TAF4B: variants seen among roughly 807,000 people sequenced by gnomAD.
TAF4B encodes TATA-box binding protein associated factor 4b.
Under a neutral mutation model 86.4 loss-of-function variants are expected in TAF4B, and 38 were observed. The ratio of observed to expected loss-of-function variants is 0.44; its 90% CI spans 0.34 to 0.58. The LOEUF is 0.58. TAF4B is among the 20% of genes least tolerant of loss of function. TAF4B has a pLI of 0.02. For synonymous variants in TAF4B, 388 were observed against 391.2 expected (o/e 0.99, Z 0.10); for missense variants, 988 against 1,027.6 (o/e 0.96, Z 0.53).
chr18:26,229,660 G>A (rs2055634026), intron 1 of TAF4B, among the ~76,000 whole-genome samples: 1 of 151,832 alleles, frequency 6.6e-6, no homozygotes, highest in South Asian at 2.1e-4. Flanking sequence ...ACGCCACCAT[G>A]CTCGGCTAAA....
chr18:26,287,033 G>A (rs1342748604), intron 7 of TAF4B, among the ~76,000 whole-genome samples: 1 of 152,076 alleles, frequency 6.6e-6, no homozygotes, highest in Non-Finnish European at 1.5e-5. Context: ...GAGAGTGGTT[G>A]CAAAAATTAT....
chr18:26,236,831 G>T (rs2055755353), intron 1 of TAF4B, among the ~76,000 whole-genome samples: 1 of 152,076 alleles, frequency 6.6e-6, no homozygotes, highest in South Asian at 2.1e-4. Flanking sequence ...TTTGTTCAGG[G>T]CCCAGGGCTC....
intron 9 of TAF4B, among the ~76,000 whole-genome samples, chr18:26,308,323 T>C (rs1468101697): frequency 6.6e-6 from 1 of 152,188 alleles, no homozygotes; most frequent in Non-Finnish European, 1.5e-5. Flanking sequence ...GATTATATTG[T>C]GAAGTCTTTC....
intron 12 of TAF4B, 28 bp from the exon 13 acceptor site, chr18:26,335,146 TC>T: frequency 1.3e-6 from 2 of 1,534,618 alleles, no homozygotes; most frequent in Non-Finnish European, 1.8e-6. Context: ...GCTAGTAATT[TC>T]TATTAAAATT....
rs776128609 is a variant in TAF4B at position 26,357,763 on chromosome 18, GGAA to G, written c.2396_2398del (p.Lys799del). ...ACAGCTCTTGCAGCTATTGGACCAA[GGAA>G]GAAGAGACCACTAGAATCTGGAATT... is the stretch of plus-strand genomic sequence containing the variant. On this transcript the variant is annotated inframe_deletion, in exon 14 of 15. Coordinates refer to ENST00000269142, the MANE Select transcript of TAF4B (RefSeq NM_005640.3). 2 of 1,612,218 alleles carry G rather than the reference GGAA, an allele frequency of 1.2e-6. No homozygotes were observed. The highest frequency in any genetic ancestry group is 2.2e-5 in the South Asian group (2 of 90,716).
intron 11 of TAF4B, among the ~76,000 whole-genome samples, chr18:26,322,919 T>C (rs1169011946): frequency 1.3e-5 from 2 of 152,150 alleles, no homozygotes; most frequent in Non-Finnish European, 2.9e-5. Flanking sequence ...TTCCATAAGT[T>C]TTGGTATGTT....
intron 10 of TAF4B, among the ~76,000 whole-genome samples, chr18:26,317,788 G>A (rs1039753690): frequency 6.6e-6 from 1 of 152,072 alleles, no homozygotes; most frequent in African/African-American, 2.4e-5. Flanking sequence ...CTCTTCTTAG[G>A]GCGAAGGCAG....
At chr18:26,327,754 G>A (rs1440382933) in intron 12 of TAF4B, among the ~76,000 whole-genome samples, 1 of 151,978 alleles carries the variant, frequency 6.6e-6, no homozygotes, top group Non-Finnish European at 1.5e-5. Context: ...TGTTGTTGTT[G>A]GTTTGTTTTT....
intron 1 of TAF4B, among the ~76,000 whole-genome samples, chr18:26,230,224 C>A (rs2055644539): frequency 6.6e-6 from 1 of 152,120 alleles, no homozygotes; most frequent in South Asian, 2.1e-4. Context: ...TCTTTTAGGT[C>A]ATAAACTGGG....
intron 12 of TAF4B, among the ~76,000 whole-genome samples, chr18:26,332,750 G>A (rs2057060876): frequency 1.3e-5 from 2 of 152,004 alleles, no homozygotes; most frequent in Admixed American, 6.6e-5. Flanking sequence ...GGGTGGTCTC[G>A]AACTCTCCTG....
At chr18:26,304,891 T>G in intron 9 of TAF4B, 2 of 985,354 alleles carry the variant, frequency 2.0e-6, no homozygotes, top group South Asian at 4.7e-5. Flanking sequence ...TTGGGAAATT[T>G]CTGACTTATT....
intron 11 of TAF4B, among the ~76,000 whole-genome samples, chr18:26,326,789 A>G (rs545558377): frequency 2.0e-5 from 3 of 152,300 alleles, no homozygotes; most frequent in East Asian, 3.9e-4. Flanking sequence ...TCTTTGAAAC[A>G]TAACTGGTTA....
intron 1 of TAF4B, among the ~76,000 whole-genome samples, chr18:26,254,948 T>C (rs2144508703): frequency 6.6e-6 from 1 of 152,310 alleles, no homozygotes; most frequent in South Asian, 2.1e-4. Flanking sequence ...CATCAGAAGC[T>C]TGGCAAGACC....
Position 26,281,959 on chromosome 18 carries a change from CCCAT to C in TAF4B, c.883-9_883-6del. 1 of 1,593,536 alleles carries C rather than the reference CCCAT, an allele frequency of 6.3e-7. No individual in the cohort carries two copies. Among genetic ancestry groups the C allele is most frequent in the Non-Finnish European group, 8.6e-7 (1 of 1,163,202 alleles). ...TAGACTTAAAATTGTTTCTATTTCT[CCCAT>C]CCCTCAGGATGCAAAAATCGAAGCA... On this transcript the variant is annotated splice_region_variant and splice_polypyrimidine_tract_variant and intron_variant, in intron 5 of 14. Transcript: ENST00000269142.
intron 3 of TAF4B, among the ~76,000 whole-genome samples, chr18:26,273,763 T>G (rs953523113): frequency 6.6e-6 from 1 of 152,144 alleles, no homozygotes; most frequent in African/African-American, 2.4e-5. Flanking sequence ...ATGTGGGAGA[T>G]TTTATTGTAC....
chr18:26,361,083 T>C (rs2057325754), intron 14 of TAF4B, among the ~76,000 whole-genome samples: 1 of 152,212 alleles, frequency 6.6e-6, no homozygotes, highest in Admixed American at 6.5e-5. Context: ...CAAACCTTTT[T>C]TTTAACCATC....
At chr18:26,293,124 T>A (rs934746212) in intron 8 of TAF4B, among the ~76,000 whole-genome samples, 4 of 152,164 alleles carry the variant, frequency 2.6e-5, no homozygotes, top group African/African-American at 9.7e-5. Flanking sequence ...TATGTATTTT[T>A]AAAAAATACC....
intron 13 of TAF4B, among the ~76,000 whole-genome samples, chr18:26,341,798 T>G (rs190681318): frequency 6.6e-6 from 1 of 152,184 alleles, no homozygotes; most frequent in Non-Finnish European, 1.5e-5. Flanking sequence ...GGTTGTGGTA[T>G]CCTTGAAGTT....
At chr18:26,317,134 A>G (rs1477569376) in intron 10 of TAF4B, among the ~76,000 whole-genome samples, 3 of 149,150 alleles carry the variant, frequency 2.0e-5, no homozygotes, top group Non-Finnish European at 4.4e-5. Context: ...GGTTCAAGCG[A>G]TTCTCCTGCC....
Sources: gnomAD v4.1 joint callset for allele counts (sites outside exome capture counted in the v4.1 genomes callset) on GRCh38, gnomAD v4.1.1 for gene constraint, MANE v1.5 for transcripts, NCBI Gene and HGNC (gene_info 2026-07-23, HGNC 2026-07-21) for gene names.